The following ZNF347 variants were observed in gnomAD, a reference collection of about 807,000 sequenced individuals.
The protein encoded by ZNF347 is zinc finger protein 347, also known as CTD-2620I22.7.
In ZNF347, 19 loss-of-function variants were observed where a neutral mutation model predicts 12.9. The observed-to-expected ratio is 1.47, with a 90% CI of 1.03 to 2.16. The LOEUF (loss-of-function observed/expected upper bound fraction) is 2.16, where lower values mean the gene tolerates loss of function less well. ZNF347 is among the 30% of genes most tolerant of loss of function. The pLI is 0.00. For missense variants in ZNF347, 1,005 were observed against 990.6 expected, an observed-to-expected ratio of 1.01 and a Z score of -0.19; for synonymous variants, 328 against 340.6, an observed-to-expected ratio of 0.96 and a Z score of 0.41.
chr19:53,157,638 T>C (rs981306173), intron 1 of ZNF347, among the ~76,000 whole-genome samples: 8 of 152,026 alleles, frequency 5.3e-5, no homozygotes, highest in African/African-American at 1.9e-4. Flanking sequence ...CTCTGTTGAA[T>C]CTCCTCTTCC....
chr19:53,141,675 G>A lies in ZNF347; in HGVS notation c.1153C>T (p.Arg385Cys), dbSNP rs769732885. 3.7e-6 allele frequency: 6 copies of A among 1,613,610 alleles called. No homozygotes were observed. Among genetic ancestry groups the A allele is most frequent in the South Asian group, 2.2e-5 (2 of 91,048 alleles). ...GCCTGATGGATAGCTAAGCTTGAACGAGCTCTAAAGGCTTTCCCACACTCA... is the reference window on the plus strand; with the variant it reads ...GCCTGATGGATAGCTAAGCTTGAACAAGCTCTAAAGGCTTTCCCACACTCA... ...CNECGKAFRARSSLAIHQATH... is the reference protein window; with the variant it reads ...CNECGKAFRACSSLAIHQATH... Residue 385 changes from arginine (R) to cysteine (C), a missense_variant, in exon 5 of 5, where the codon CGT becomes TGT. Coordinates refer to ENST00000334197, the MANE Select transcript of ZNF347 (RefSeq NM_032584.3).
intron 2 of ZNF347, among the ~76,000 whole-genome samples, chr19:53,150,888 C>G (rs1392206594): frequency 1.3e-5 from 2 of 152,124 alleles, no homozygotes; most frequent in African/African-American, 4.8e-5. Context: ...TACAAGCACC[C>G]ACCACCACAC....
chr19:53,149,507 T>C (rs2090484293), intron 2 of ZNF347, 140 bp from the exon 3 acceptor site: 6 of 1,447,650 alleles, frequency 4.1e-6, no homozygotes, highest in Non-Finnish European at 5.5e-6. Flanking sequence ...CATATGGTCT[T>C]CATCCCCCTT....
rs776349115 is a variant in ZNF347, at chr19:53,141,557, G to C, written c.1271C>G (p.Thr424Ser). 8 of 1,613,774 alleles carry C rather than the reference G, an allele frequency of 5.0e-6. No individual in the cohort carries two copies. The East Asian group carries it at 1.8e-4, about 36-fold the overall frequency. Residue 424 changes from threonine to serine, a missense_variant, in exon 5 of 5, where the codon ACT becomes AGT. Physicochemically the swap from Thr to Ser is moderately conservative, Grantham distance 58 (BLOSUM62 1). Transcript: ENST00000334197. ...SHLTNHWRIH[T>S]GEKPYKCNEC... ...ATTACACTTGTAAGGTTTCTCTCCA[G>C]TGTGAATTCTCCAGTGATTTGTAAG...
chr19:53,146,275 T>TA lies in ZNF347; in HGVS notation c.271+2405dup, dbSNP rs534749568. 2.5e-3 allele frequency among the ~76,000 whole-genome samples: 374 copies of TA among 151,870 alleles called. 1 individual carries two copies. The highest frequency in any genetic ancestry group is 8.7e-3 in the African/African-American group (361 of 41,450). ...CAGGTGTGAGCCACCGTGCCCGGCC[T>TA]AAAAAAATTTTTTTTTAGAGATGGG... On this transcript the variant is annotated intron_variant, in intron 4 of 4. Coordinates refer to ENST00000334197, the MANE Select transcript of ZNF347 (RefSeq NM_032584.3).
chr19:53,143,362 T>A (rs1203028605), intron 4 of ZNF347, among the ~76,000 whole-genome samples: 1 of 145,210 alleles, frequency 6.9e-6, no homozygotes, highest in Non-Finnish European at 1.5e-5. Flanking sequence ...TATCTCCTAA[T>A]GCTATCCCTC....
Position 53,140,364 on chromosome 19 carries a change from C to G in ZNF347, c.2464G>C (p.Val822Leu). ...AACTCTGACTTTAGAACTTTCCACA[C>G]GTTACATTTGTAAGGTTTCCCACCA... ...HTGGKPYKCN[V>L]WKVLKSEFKP... Residue 822 changes from valine (V) to leucine (L), a missense_variant, in exon 5 of 5, where the codon GTG (valine) becomes CTG (leucine). Transcript: ENST00000334197. 6.3e-7 allele frequency: 1 copy of G among 1,596,924 alleles called. No homozygotes were observed. Among genetic ancestry groups the G allele is most frequent in the Non-Finnish European group, 8.5e-7 (1 of 1,173,010 alleles).
In ZNF347 at chr19:53,135,755, T is replaced by C. The variant is rs967638019; in HGVS notation, c.*4553A>G. 3 of 152,232 alleles carry C rather than the reference T, an allele frequency of 2.0e-5. No homozygotes were observed. The highest frequency in any genetic ancestry group is 4.4e-5 in the Non-Finnish European group (3 of 68,044). 9.4% of individuals were successfully genotyped at this position (152,232 alleles called of 1,614,324 possible). A position where few individuals can be genotyped will look rare whatever the true frequency, so the allele number is the denominator to read the frequency against. The stretch of plus-strand genomic sequence containing the variant: ...CATTAATACTTATTTCAGGAGCTGA[T>C]GATTCAGTTGTTACACATAAAGCAT... On this transcript the variant is annotated 3_prime_UTR_variant, in exon 5 of 5. Transcript: ENST00000334197.
chr19:53,145,399 T>C (rs1316396942), intron 4 of ZNF347, among the ~76,000 whole-genome samples: 2 of 151,116 alleles, frequency 1.3e-5, no homozygotes, highest in African/African-American at 4.8e-5. Flanking sequence ...ACATTTCTTT[T>C]TTTTTTTTTT....
chr19:53,146,101 G>A (rs1284626858), intron 4 of ZNF347, among the ~76,000 whole-genome samples: 8 of 151,306 alleles, frequency 5.3e-5, no homozygotes, highest in South Asian at 2.1e-4. Flanking sequence ...TCAGCCTCCC[G>A]AGTAGCTGGG....
At position 53,140,879 on chromosome 19, in the gene ZNF347, T is replaced by C; in HGVS notation, c.1949A>G (p.Glu650Gly). The change falls in exon 5 of 5, where the codon GAA becomes GGA. Residue 650 changes from glutamate (E) to glycine (G), a missense_variant. Transcript: ENST00000334197. ...ACACTCATTACATTTGTAAGGTTTT[T>C]CACCAGTATGGATGACCTGATGGGT... The part of the protein sequence containing the change: ...LTTHQVIHTG[E>G]KPYKCNECGK... 1 of 1,613,786 alleles carries C rather than the reference T, an allele frequency of 6.2e-7. No homozygotes were observed. Among genetic ancestry groups the C allele is most frequent in the East Asian group, 2.2e-5 (1 of 44,872 alleles).
At position 53,135,327 on chromosome 19, in the gene ZNF347, TATATATATATATAG is replaced by T. The variant is rs1426504398; in HGVS notation, c.*4967_*4980del. 1,528 of 42,190 alleles carry T rather than the reference TATATATATATATAG, an allele frequency of 0.036. 9 individuals carry two copies. Among genetic ancestry groups the T allele is most frequent in the Admixed American group, 0.064 (248 of 3,850 alleles). The allele number at this position is 42,190 out of a possible 1,614,324, so 2.6% of individuals were successfully genotyped here. A position where few individuals can be genotyped will look rare whatever the true frequency, so the allele number is the denominator to read the frequency against. ...ATATATATATATATATATATATATA[TATATATATATATAG>T]AGAGAGAGAGAGAGAGAGAGAGAGA... On this transcript the variant is annotated 3_prime_UTR_variant, in exon 5 of 5. Transcript: ENST00000334197.
rs2090377141 is a variant in ZNF347, at chr19:53,134,995, T to C, written c.*5313A>G. 6.6e-6 allele frequency: 1 copy of C among 152,120 alleles called. No individual in the cohort carries two copies. The highest frequency in any genetic ancestry group is 6.5e-5 in the Admixed American group (1 of 15,272). The allele number at this position is 152,120 out of a possible 1,614,324, so 9.4% of individuals were successfully genotyped here. ...CCACAATCACAATGATATATGAAGA[T>C]AAACCATTTAAAAATTACAAGAGAT... is the stretch of plus-strand genomic sequence containing the variant. On this transcript the variant is annotated 3_prime_UTR_variant, in exon 5 of 5. Coordinates refer to ENST00000334197, the MANE Select transcript of ZNF347 (RefSeq NM_032584.3).
At position 53,141,060 on chromosome 19, in the gene ZNF347, T is replaced by A; in HGVS notation, c.1768A>T (p.Ile590Phe). The A allele has an allele frequency of 6.2e-7, 1 of 1,600,402 alleles. No individual in the cohort carries two copies. Among genetic ancestry groups the A allele is most frequent in the South Asian group, 1.1e-5 (1 of 90,392 alleles). ...TTATAAGGTTTCTCTCCAGTATGAATTCCCCGATGTCTTGCAAGGTGTGAA... is the reference window on the plus strand; with the variant it reads ...TTATAAGGTTTCTCTCCAGTATGAAATCCCCGATGTCTTGCAAGGTGTGAA... ...QNSHLARHRG[I>F]HTGEKPYKCN... The change falls in exon 5 of 5, where the codon ATT (isoleucine) becomes TTT (phenylalanine). Residue 590 changes from isoleucine (I) to phenylalanine (F), a missense_variant. Physicochemically the swap from Ile to Phe is conservative, Grantham distance 21. Transcript: ENST00000334197.
intron 3 of ZNF347, 159 bp from the exon 4 acceptor site, chr19:53,148,968 A>G: frequency 9.2e-7 from 1 of 1,084,092 alleles, no homozygotes; most frequent in Non-Finnish European, 1.3e-6. Context: ...AAACACTATA[A>G]TATGCAAATA....
rs576224218 is a variant in ZNF347, at chr19:53,136,972, G to C, written c.*3336C>G. 1 of 152,216 alleles carries C rather than the reference G, an allele frequency of 6.6e-6. No homozygotes were observed. The highest frequency in any genetic ancestry group is 2.4e-5 in the African/African-American group (1 of 41,512). The allele number at this position is 152,216 out of a possible 1,614,324, so 9.4% of individuals were successfully genotyped here. On this transcript the variant is annotated 3_prime_UTR_variant, in exon 5 of 5. Transcript: ENST00000334197. ...GAGATCTCAGCTCACTGCAACCTCC[G>C]TCTCCCGGGTTCAAGTGATTCTCCT...
At chr19:53,153,704 A>T in intron 2 of ZNF347, 29 bp downstream of exon 2, 1 of 1,611,430 alleles carries the variant, frequency 6.2e-7, no homozygotes. Flanking sequence ...AATAAGAGAC[A>T]GAACAATCCA....
In ZNF347 at chr19:53,135,315, TATATATATATATATATATATATATAGAG is replaced by T. The variant is rs1359996112; in HGVS notation, c.*4965_*4992del. 9.7e-5 allele frequency: 1 copy of T among 10,262 alleles called. No homozygotes were observed. Among genetic ancestry groups the T allele is most frequent in the Non-Finnish European group, 2.9e-4 (1 of 3,470 alleles). 0.6% of individuals were successfully genotyped at this position (10,262 alleles called of 1,614,324 possible). ...CATTTTCTAAATATATATATATATA[TATATATATATATATATATATATATAGAG>T]AGAGAGAGAGAGAGAGAGAGAGAGA... On this transcript the variant is annotated 3_prime_UTR_variant, in exon 5 of 5. Coordinates refer to ENST00000334197, the MANE Select transcript of ZNF347 (RefSeq NM_032584.3).
chr19:53,151,065 G>A (rs1015246968), intron 2 of ZNF347, among the ~76,000 whole-genome samples: 1 of 152,146 alleles, frequency 6.6e-6, no homozygotes, highest in African/African-American at 2.4e-5. Flanking sequence ...TAAATGTCCT[G>A]CATGTACTAA....
Sources: gnomAD v4.1 joint callset for allele counts (sites outside exome capture counted in the v4.1 genomes callset) on GRCh38, gnomAD v4.1.1 for gene constraint, MANE v1.5 for transcripts, NCBI Gene and HGNC (gene_info 2026-07-23, HGNC 2026-07-21) for gene names.